The following SDSL variants were observed in gnomAD, a reference collection of about 807,000 sequenced individuals.
SDSL encodes the protein serine dehydratase-like.
SDSL carries 26 observed loss-of-function variants against 27.6 expected under a neutral mutation model. The observed-to-expected ratio is 0.94, with a 90% CI of 0.69 to 1.31. SDSL has a LOEUF of 1.31. Ranked by LOEUF, SDSL falls within the 50% of genes most tolerant of loss-of-function variation. SDSL has a pLI of 0.00. For synonymous variants in SDSL, 196 were observed against 180.6 expected, an observed-to-expected ratio of 1.09 and a Z score of -0.69; for missense variants, 431 against 423.5, an observed-to-expected ratio of 1.02 and a Z score of -0.16.
chr12:113,428,077 T>G lies in SDSL; in HGVS notation c.95T>G (p.Met32Arg). The change falls in exon 2 of 8, where the codon ATG becomes AGG. Residue 32 changes from methionine (M) to arginine (R), a missense_variant. Transcript: ENST00000403593. ...ESWALSQVAG[M>R]PVFLKCENVQ... ...TGGGCGCTGTCCCAGGTGGCGGGCA[T>G]GCCTGTCTTCCTCAAGTGTGAGAAT... The G allele has an allele frequency of 6.2e-7, 1 of 1,613,992 alleles. No individual in the cohort carries two copies. The highest frequency in any genetic ancestry group is 8.5e-7 in the Non-Finnish European group (1 of 1,179,982).
rs754653820 is a variant in SDSL, at chr12:113,428,109, C to T, written c.127C>T (p.Pro43Ser). 2 of 1,613,504 alleles carry T rather than the reference C, an allele frequency of 1.2e-6. No homozygotes were observed. Among genetic ancestry groups the T allele is most frequent in the African/African-American group, 2.7e-5 (2 of 74,934 alleles). The change falls in exon 2 of 8, where the codon CCC (proline) becomes TCC (serine). Residue 43 changes from proline to serine, a missense_variant. Transcript: ENST00000403593. ...PVFLKCENVQ[P>S]SGSFKIRGIG... ...CTTCCTCAAGTGTGAGAATGTGCAG[C>T]CCAGCGGCTCCTTCAAGATTCGGGG... is the stretch of plus-strand genomic sequence containing the variant.
At chr12:113,434,685 C>G (rs1277503987) in intron 5 of SDSL, among the ~76,000 whole-genome samples, 1 of 152,246 alleles carries the variant, frequency 6.6e-6, no homozygotes, top group African/African-American at 2.4e-5. Flanking sequence ...AAGTGATACA[C>G]TTGTCCCCTC....
chr12:113,429,377 CTCCTTT>C, intron 4 of SDSL, 78 bp downstream of exon 4: 1 of 1,463,712 alleles, frequency 6.8e-7, no homozygotes, highest in Non-Finnish European at 9.4e-7. Context: ...GACATCCTGT[CTCCTTT>C]TCCTTTCGAT....
intron 7 of SDSL, 139 bp downstream of exon 7, chr12:113,437,014 G>T: frequency 1.2e-6 from 1 of 802,234 alleles, no homozygotes; most frequent in South Asian, 2.5e-5. Flanking sequence ...CTAAGTGCAC[G>T]TCGAGTAGAT....
chr12:113,427,052 GCA>G (rs1429589381), intron 1 of SDSL: 1 of 152,258 alleles, frequency 6.6e-6, no homozygotes, highest in Non-Finnish European at 1.5e-5. Flanking sequence ...GGGGGAGTGG[GCA>G]CCGATAGGGG....
intron 1 of SDSL, chr12:113,425,577 A>T (rs559974262): frequency 1.9e-4 from 84 of 441,820 alleles, no homozygotes; most frequent in Middle Eastern, 3.3e-4. Context: ...TGCCTGGGAC[A>T]AGAGGAGCTG....
intron 1 of SDSL, among the ~76,000 whole-genome samples, chr12:113,424,553 C>G (rs1022264971): frequency 1.3e-5 from 2 of 152,178 alleles, no homozygotes; most frequent in Non-Finnish European, 2.9e-5. Context: ...ACAGTGGTAT[C>G]CCCTGTTGCT....
At chr12:113,427,854 A>G in intron 1 of SDSL, 108 bp from the exon 2 acceptor site, 1 of 916,604 alleles carries the variant, frequency 1.1e-6, no homozygotes. Flanking sequence ...AGCTGGATGA[A>G]GTGAAGGGCA....
chr12:113,426,325 C>T (rs570850991), intron 1 of SDSL: 1 of 445,830 alleles, frequency 2.2e-6, no homozygotes, highest in Non-Finnish European at 4.5e-6. Flanking sequence ...TAAAAGACCC[C>T]TCAGCCAATC....
intron 1 of SDSL, chr12:113,426,275 C>T (rs1469158573): frequency 2.2e-6 from 1 of 455,756 alleles, no homozygotes; most frequent in Non-Finnish European, 4.4e-6. Flanking sequence ...TCATCCATTT[C>T]AAAGTTCCCC....
chr12:113,429,323 A>G lies in SDSL; in HGVS notation c.354+24A>G, dbSNP rs191387483. ...AGGTAAGGGCTCTGGGAAGGGGAGA[A>G]CCATCTGGGTGGGCTGCTCTCCTTC... On this transcript the variant is annotated intron_variant, in intron 4 of 7. Transcript: ENST00000403593. 2,600 of 1,593,238 alleles carry G rather than the reference A, an allele frequency of 1.6e-3. 6 individuals are homozygous for G. Among genetic ancestry groups the G allele is most frequent in the Non-Finnish European group, 2.0e-3 (2,346 of 1,163,556 alleles).
rs564800007 is a variant in SDSL, at chr12:113,432,277, TTTC to T, written c.355-1854_355-1852del. Among the ~76,000 whole-genome samples, 4 of 138,822 alleles carry T rather than the reference TTTC, an allele frequency of 2.9e-5. No individual in the cohort carries two copies. The South Asian group carries it at 7.0e-4, about 24-fold the overall frequency. 91.1% of individuals were successfully genotyped at this position (138,822 alleles called of 152,430 possible). ...CTTTCTTTCTTTCTTTCTTTCTTTC[TTTC>T]TTTCTTTCTTTCTCTCTCTCTCTTT... On this transcript the variant is annotated intron_variant, in intron 4 of 7. Transcript: ENST00000403593.
At chr12:113,437,811 C>T (rs1017712241) in intron 7 of SDSL, 75 bp from the exon 8 acceptor site, 10 of 1,327,092 alleles carry the variant, frequency 7.5e-6, no homozygotes, top group Admixed American at 2.3e-5. Flanking sequence ...AAGGATCTGC[C>T]GTGCCCAGGG....
chr12:113,437,622 C>T lies in SDSL; in HGVS notation c.797-264C>T, dbSNP rs181533766. ...ATGGATATGTTGATGGATGGGTACACTGATGGATGGACAGATAGATAGTCT... is the reference window on the plus strand; with the variant it reads ...ATGGATATGTTGATGGATGGGTACATTGATGGATGGACAGATAGATAGTCT... On this transcript the variant is annotated intron_variant, in intron 7 of 7. Coordinates refer to ENST00000403593, the MANE Select transcript of SDSL (RefSeq NM_001304993.2). 2.0e-5 allele frequency among the ~76,000 whole-genome samples: 3 copies of T among 152,072 alleles called. No homozygotes were observed. The East Asian group carries it at 5.8e-4, about 29-fold the overall frequency.
chr12:113,428,490 G>A, intron 3 of SDSL, 31 bp downstream of exon 3: 1 of 1,598,888 alleles, frequency 6.3e-7, no homozygotes, highest in Non-Finnish European at 8.5e-7. Flanking sequence ...TTCATGGGCA[G>A]AGGTTGGGGG....
chr12:113,436,643 C>A, intron 6 of SDSL, 108 bp from the exon 7 acceptor site: 2 of 1,196,450 alleles, frequency 1.7e-6, no homozygotes, highest in Non-Finnish European at 1.1e-6. Flanking sequence ...GAGCTCCAAC[C>A]AGCCCATGGC....
chr12:113,436,095 G>A (rs944308870), intron 6 of SDSL, among the ~76,000 whole-genome samples: 3 of 152,090 alleles, frequency 2.0e-5, no homozygotes, highest in Non-Finnish European at 4.4e-5. Context: ...AATAGCCATC[G>A]TGCTCCAGCC....
intron 5 of SDSL, among the ~76,000 whole-genome samples, chr12:113,434,812 C>T (rs1193463942): frequency 1.3e-5 from 2 of 152,104 alleles, no homozygotes; most frequent in Admixed American, 1.3e-4. Flanking sequence ...CAAACAAATA[C>T]ATAATAAAGA....
rs1397509794 is a variant in SDSL, at chr12:113,437,905, G to A, written c.816G>A (p.Val272=). Residue 272 remains valine, a synonymous_variant, in exon 8 of 8, where the codon GTG becomes GTA. Coordinates refer to ENST00000403593, the MANE Select transcript of SDSL (RefSeq NM_001304993.2). The part of the protein sequence containing the change: ...QQLLDDERML[V]EPACGAALAA... Reference sequence around the variant, plus strand: ...TGGCAGATGATGAGCGTATGCTGGTGGAGCCTGCCTGTGGGGCAGCCTTAG... The same window carrying A: ...TGGCAGATGATGAGCGTATGCTGGTAGAGCCTGCCTGTGGGGCAGCCTTAG... 1.2e-6 allele frequency: 2 copies of A among 1,609,364 alleles called. No individual in the cohort carries two copies. Among genetic ancestry groups the A allele is most frequent in the African/African-American group, 2.7e-5 (2 of 74,678 alleles).
Sources: gnomAD v4.1 joint callset for allele counts (sites outside exome capture counted in the v4.1 genomes callset) on GRCh38, gnomAD v4.1.1 for gene constraint, MANE v1.5 for transcripts, NCBI Gene and HGNC (gene_info 2026-07-23, HGNC 2026-07-21) for gene names.